PYGB: variants seen among roughly 807,000 people sequenced by gnomAD.
PYGB encodes glycogen phosphorylase, brain form.
A neutral mutation model predicts 94.3 loss-of-function variants in PYGB; 82 were observed. The observed-to-expected ratio is 0.87, with a 90% CI of 0.73 to 1.04. The LOEUF (loss-of-function observed/expected upper bound fraction) is 1.04, where lower values mean the gene tolerates loss of function less well. Among genes scored for constraint, PYGB ranks in the 50% least tolerant of loss-of-function variants. PYGB has a pLI of 0.00. For missense variants in PYGB, 1,132 were observed against 1,158.2 expected (o/e 0.98, Z 0.33); for synonymous variants, 488 against 479.1 (o/e 1.02, Z -0.24).
Position 25,248,188 on chromosome 20 carries a change from C to T in PYGB, c.10C>T (p.Pro4Ser), listed in dbSNP as rs376948415. 2.8e-5 allele frequency: 44 copies of T among 1,591,276 alleles called. No individual in the cohort carries two copies. In the African/African-American group the frequency reaches 4.8e-4, roughly 17 times the overall value. The change falls in exon 1 of 20, where the codon CCG becomes TCG. Residue 4 changes from proline to serine, a missense_variant. Coordinates refer to ENST00000216962, the MANE Select transcript of PYGB (RefSeq NM_002862.4). The part of the protein sequence containing the change: MAK[P>S]LTDSEKRKQI... Reference sequence around the variant, plus strand: ...CGCCTCCGCCGGCGCGATGGCGAAGCCGCTGACGGACAGCGAGAAGCGGAA... The same window carrying T: ...CGCCTCCGCCGGCGCGATGGCGAAGTCGCTGACGGACAGCGAGAAGCGGAA...
intron 2 of PYGB, among the ~76,000 whole-genome samples, chr20:25,266,441 A>G (rs1452062737): frequency 1.3e-5 from 2 of 152,126 alleles, no homozygotes; most frequent in Non-Finnish European, 2.9e-5. Context: ...AAAGAATACA[A>G]CTTTTAGAAA....
At chr20:25,288,182 A>G (rs1198972873) in intron 14 of PYGB, 4 of 651,416 alleles carry the variant, frequency 6.1e-6, no homozygotes, top group Non-Finnish European at 1.1e-5. Flanking sequence ...CTTCCTCACC[A>G]GCGGGGAACC....
At chr20:25,278,236 T>G in intron 7 of PYGB, 83 bp from the exon 8 acceptor site, 1 of 1,498,210 alleles carries the variant, frequency 6.7e-7, no homozygotes, top group Middle Eastern at 2.4e-4. Flanking sequence ...TGCCTGCACC[T>G]TTGAGCCAGG....
intron 6 of PYGB, 136 bp downstream of exon 6, chr20:25,276,893 TC>T: frequency 1.3e-6 from 1 of 780,316 alleles, no homozygotes; most frequent in Non-Finnish European, 2.1e-6. Context: ...TGTCCCTGCG[TC>T]CCAGTGAAGA....
chr20:25,291,560 GC>G (rs1424318925), intron 16 of PYGB, among the ~76,000 whole-genome samples: 4 of 152,202 alleles, frequency 2.6e-5, no homozygotes, highest in Non-Finnish European at 5.9e-5. Context: ...TGCCTGGCAG[GC>G]GAGGTCCCTT....
intron 14 of PYGB, 90 bp downstream of exon 14, chr20:25,284,341 ATGG>A (rs2088398644): frequency 4.0e-6 from 6 of 1,507,888 alleles, no homozygotes; most frequent in East Asian, 2.3e-5. Context: ...GGCCTCTGTC[ATGG>A]TGGGGGCTGT....
At chr20:25,282,682 G>C (rs1270171315) in intron 12 of PYGB, among the ~76,000 whole-genome samples, 1 of 152,214 alleles carries the variant, frequency 6.6e-6, no homozygotes, top group Non-Finnish European at 1.5e-5. Context: ...GCCCTGTGCT[G>C]GGGGACGGGC....
Position 25,248,310 on chromosome 20 carries a change from C to T in PYGB, c.132C>T (p.Arg44=). ...RHLHFTLVKD[R]NVATPRDYFF... Reference sequence around the variant, plus strand: ...TGCACTTCACGCTGGTCAAGGACCGCAATGTGGCCACGCCCCGCGACTACT... The same window carrying T: ...TGCACTTCACGCTGGTCAAGGACCGTAATGTGGCCACGCCCCGCGACTACT... Residue 44 remains arginine (R), a synonymous_variant, in exon 1 of 20, where the codon CGC becomes CGT. Transcript: ENST00000216962. 6.2e-7 allele frequency: 1 copy of T among 1,604,844 alleles called. No individual in the cohort carries two copies. Among genetic ancestry groups the T allele is most frequent in the Non-Finnish European group, 8.5e-7 (1 of 1,176,162 alleles).
chr20:25,280,183 T>C, intron 9 of PYGB, 83 bp from the exon 10 acceptor site: 2 of 1,519,628 alleles, frequency 1.3e-6, no homozygotes, highest in South Asian at 1.2e-5. Context: ...CCTGGGATCC[T>C]GGACGCTCAC....
chr20:25,289,942 G>A (rs1465443375), intron 15 of PYGB: 1 of 533,534 alleles, frequency 1.9e-6, no homozygotes, highest in Non-Finnish European at 3.8e-6. Context: ...TACTTCATGG[G>A]TCCCCTGCCC....
Position 25,262,656 on chromosome 20 carries a change from T to G in PYGB, c.345+3318T>G, listed in dbSNP as rs533280151. Among the ~76,000 whole-genome samples the G allele has an allele frequency of 2.0e-4, 28 of 141,916 alleles. 1 individual carries two copies. The highest frequency in any genetic ancestry group is 1.7e-3 in the Admixed American group (26 of 14,930). 93.1% of individuals were successfully genotyped at this position (141,916 alleles called of 152,430 possible). On this transcript the variant is annotated intron_variant, in intron 2 of 19. Transcript: ENST00000216962. ...TAACCTTAAATGTAAATGGGCAAAA[T>G]GCTCCATTTTGACTTGACTGGATAA...
Position 25,282,078 on chromosome 20 carries a change from G to T in PYGB, c.1449G>T (p.Lys483Asn). The T allele has an allele frequency of 6.2e-7, 1 of 1,613,974 alleles. No homozygotes were observed. ...YELEPEKFQN[K>N]TNGITPRRWL... ...TGGAGCCAGAGAAGTTCCAGAATAA[G>T]ACCAATGGCATCACCCCCCGCCGGT... Residue 483 changes from lysine to asparagine, a missense_variant, in exon 12 of 20, where the codon AAG becomes AAT. Transcript: ENST00000216962.
intron 11 of PYGB, 124 bp from the exon 12 acceptor site, chr20:25,281,909 A>G: frequency 3.6e-6 from 3 of 837,062 alleles, no homozygotes; most frequent in Non-Finnish European, 5.9e-6. Context: ...TTCTCCTTAG[A>G]AAACAGAACA....
At chr20:25,279,315 C>T (rs964237025) in intron 9 of PYGB, among the ~76,000 whole-genome samples, 166 bp downstream of exon 9, 4 of 151,952 alleles carry the variant, frequency 2.6e-5, no homozygotes, top group Admixed American at 6.6e-5. Flanking sequence ...TTCCAGGAGA[C>T]GGAGGTTCCG....
chr20:25,292,864 T>TGC (rs1568700047), intron 17 of PYGB, among the ~76,000 whole-genome samples: 3 of 152,002 alleles, frequency 2.0e-5, no homozygotes. Context: ...AGGCTGAATC[T>TGC]GCGGAGTCCA....
At chr20:25,269,320 A>T (rs551742338) in intron 3 of PYGB, 113 bp downstream of exon 3, 1 of 751,000 alleles carries the variant, frequency 1.3e-6, no homozygotes, top group East Asian at 2.7e-5. Flanking sequence ...CTTTGAGTGG[A>T]TGGGCCAGTG....
chr20:25,289,703 T>G (rs2257991), intron 15 of PYGB: 1 of 377,442 alleles, frequency 2.6e-6, no homozygotes, highest in Non-Finnish European at 5.4e-6. Flanking sequence ...GCAGGAAGAA[T>G]TGTAGCAAAA....
chr20:25,258,305 G>A (rs139063119), intron 1 of PYGB, among the ~76,000 whole-genome samples: 2 of 152,170 alleles, frequency 1.3e-5, no homozygotes, highest in South Asian at 2.1e-4. Context: ...AGTTGCTGCC[G>A]TTTCCTTTCT....
In PYGB at chr20:25,283,952, C is replaced by G. The variant is rs540523709; in HGVS notation, c.1621-152C>G. On this transcript the variant is annotated intron_variant, in intron 13 of 19. Transcript: ENST00000216962. ...TCTCCCCTTTTCCCATGAGAAGACC[C>G]CTGGTGCAATCTCTGCCCCTCAGCT... 3.5e-6 allele frequency: 3 copies of G among 845,762 alleles called. No homozygotes were observed. In the East Asian group the frequency reaches 8.6e-5, roughly 24 times the overall value. 52.4% of individuals were successfully genotyped at this position (845,762 alleles called of 1,614,324 possible).
Sources: allele counts gnomAD v4.1 joint callset (sites outside exome capture counted in the v4.1 genomes callset), GRCh38; gene constraint gnomAD v4.1.1; transcripts MANE v1.5; gene names NCBI Gene and HGNC (gene_info 2026-07-23, HGNC 2026-07-21).